Variants in PDZRN3 observed in about 807,000 individuals in gnomAD.
PDZRN3 encodes the protein E3 ubiquitin-protein ligase PDZRN3.
Under a neutral mutation model 85.7 loss-of-function variants are expected in PDZRN3, and 38 were observed. The observed-to-expected ratio is 0.44, with a 90% CI of 0.34 to 0.58. PDZRN3 has a LOEUF of 0.58. Ranked by LOEUF, PDZRN3 falls within the 20% of genes least tolerant of loss-of-function variation. The pLI is 0.01. For synonymous variants in PDZRN3, 759 were observed against 638.0 expected, an observed-to-expected ratio of 1.19 and a Z score of -2.86; for missense variants, 1,629 against 1,506.4, an observed-to-expected ratio of 1.08 and a Z score of -1.35.
chr3:73,493,988 G>C (rs1375750896), intron 3 of PDZRN3, among the ~76,000 whole-genome samples: 2 of 152,194 alleles, frequency 1.3e-5, no homozygotes, highest in African/African-American at 4.8e-5. Context: ...AATCAACGTT[G>C]GATGACCAGA....
chr3:73,467,001 T>C (rs887906278), intron 3 of PDZRN3, among the ~76,000 whole-genome samples: 2 of 152,182 alleles, frequency 1.3e-5, no homozygotes, highest in African/African-American at 4.8e-5. Context: ...CAGGAATTTA[T>C]CCTGGATCTG....
In PDZRN3 at chr3:73,624,828, TGGCGGCCAGGCCCCGGGGTCGCCGCCG is replaced by T. The variant is rs1702945163; in HGVS notation, c.-30_-4del. On this transcript the variant is annotated 5_prime_UTR_variant, in exon 1 of 10. Transcript: ENST00000263666. ...AAGCGGTCCAGCTCGAAGCCCATGG[TGGCGGCCAGGCCCCGGGGTCGCCGCCG>T]GGCGGCCGGGCGCCCCCTCCCTCCC... 1 of 1,312,282 alleles carries T rather than the reference TGGCGGCCAGGCCCCGGGGTCGCCGCCG, an allele frequency of 7.6e-7. No individual in the cohort carries two copies. Among genetic ancestry groups the T allele is most frequent in the Non-Finnish European group, 9.7e-7 (1 of 1,033,518 alleles). The allele number at this position is 1,312,282 out of a possible 1,614,324, so 81.3% of individuals were successfully genotyped here.
chr3:73,477,646 T>A (rs1486262871), intron 3 of PDZRN3, among the ~76,000 whole-genome samples: 1 of 152,224 alleles, frequency 6.6e-6, no homozygotes, highest in African/African-American at 2.4e-5. Flanking sequence ...AAGGATTTAT[T>A]GAATGTCAAT....
intron 5 of PDZRN3, among the ~76,000 whole-genome samples, chr3:73,393,542 T>C (rs1414999782): frequency 6.6e-6 from 1 of 151,992 alleles, no homozygotes; most frequent in Non-Finnish European, 1.5e-5. Context: ...GCAGATGGGG[T>C]GAGTTACACA....
At chr3:73,523,483 G>T (rs1390545120) in intron 3 of PDZRN3, among the ~76,000 whole-genome samples, 3 of 151,802 alleles carry the variant, frequency 2.0e-5, no homozygotes, top group African/African-American at 7.3e-5. Flanking sequence ...ATTAATATAT[G>T]TACATACATA....
chr3:73,459,247 C>T (rs1210655424), intron 3 of PDZRN3, among the ~76,000 whole-genome samples: 3 of 152,140 alleles, frequency 2.0e-5, no homozygotes, highest in African/African-American at 7.2e-5. Context: ...CAGCTCCCAC[C>T]AGGTCCCTCC....
chr3:73,461,995 A>C (rs1446991137), intron 3 of PDZRN3, among the ~76,000 whole-genome samples: 1 of 152,240 alleles, frequency 6.6e-6, no homozygotes, highest in African/African-American at 2.4e-5. Context: ...TATTTGCTCA[A>C]TATTCATTAA....
rs1189732803 is a variant in PDZRN3 at position 73,384,285 on chromosome 3, C to A, written c.2281G>T (p.Gly761Cys). ...DKDSSSAYNT[G>C]ESCRSTPLTL... is the part of the protein sequence containing the mutation. ...AGCGGGGTGCTGCGGCAGCTCTCGCCTGTGTTGTAGGCGCTCGAGCTGTCC... is the reference window on the plus strand; with the variant it reads ...AGCGGGGTGCTGCGGCAGCTCTCGCATGTGTTGTAGGCGCTCGAGCTGTCC... The change falls in exon 10 of 10, where the codon GGC (glycine) becomes TGC (cysteine). Residue 761 changes from glycine (G) to cysteine (C), a missense_variant. By Grantham distance (159) the Gly-to-Cys change is radical. Coordinates refer to ENST00000263666, the MANE Select transcript of PDZRN3 (RefSeq NM_015009.3). 1.9e-6 allele frequency: 3 copies of A among 1,613,074 alleles called. No homozygotes were observed. The highest frequency in any genetic ancestry group is 2.5e-6 in the Non-Finnish European group (3 of 1,179,966).
chr3:73,405,564 T>C (rs184730062), intron 3 of PDZRN3, among the ~76,000 whole-genome samples: 3 of 152,342 alleles, frequency 2.0e-5, no homozygotes, highest in East Asian at 3.9e-4. Flanking sequence ...TCATATTCCA[T>C]AGGACACATG....
At chr3:73,594,651 AT>A (rs1702407636) in intron 3 of PDZRN3, among the ~76,000 whole-genome samples, 1 of 152,162 alleles carries the variant, frequency 6.6e-6, no homozygotes, top group Non-Finnish European at 1.5e-5. Context: ...GGTTCTTTCC[AT>A]TTCAACATGT....
At chr3:73,487,563 G>A (rs578039972) in intron 3 of PDZRN3, among the ~76,000 whole-genome samples, 1 of 152,292 alleles carries the variant, frequency 6.6e-6, no homozygotes, top group Non-Finnish European at 1.5e-5. Context: ...GACTGTCCAG[G>A]CCGTTTCGAA....
At chr3:73,542,056 T>G (rs1414874747) in intron 3 of PDZRN3, among the ~76,000 whole-genome samples, 1 of 152,146 alleles carries the variant, frequency 6.6e-6, no homozygotes, top group Non-Finnish European at 1.5e-5. Context: ...AAAGAGAAGA[T>G]AAGAATAACC....
At position 73,455,881 on chromosome 3, in the gene PDZRN3, G is replaced by C. The variant is rs952109655; in HGVS notation, c.919-51486C>G. Among the ~76,000 whole-genome samples the C allele has an allele frequency of 2.6e-5, 4 of 152,158 alleles. 1 individual carries two copies. Among genetic ancestry groups the C allele is most frequent in the Non-Finnish European group, 5.9e-5 (4 of 68,040 alleles). On this transcript the variant is annotated intron_variant, in intron 3 of 9. Transcript: ENST00000263666. ...GTTTGAGCAGAACATGCTGATTTGG[G>C]TAATTCCATGTCCATGCACAAAAAT...
intron 3 of PDZRN3, among the ~76,000 whole-genome samples, chr3:73,430,537 A>G (rs1702411026): frequency 1.3e-5 from 2 of 152,180 alleles, no homozygotes; most frequent in South Asian, 4.1e-4. Context: ...CCTGGCCTCC[A>G]TTGGAAGACC....
Position 73,587,238 on chromosome 3 carries a change from C to T in PDZRN3, c.918+15116G>A, listed in dbSNP as rs150105060. On this transcript the variant is annotated intron_variant, in intron 3 of 9. Transcript: ENST00000263666. ...GTAAAATACCAATACCAGACTACAC[C>T]GTATGCAGTAAGGGTAAATATCTCG... Among the ~76,000 whole-genome samples, 695 of 152,270 alleles carry T rather than the reference C, an allele frequency of 4.6e-3. 4 individuals are homozygous for T. The highest frequency in any genetic ancestry group is 0.014 in the African/African-American group (601 of 41,544).
At chr3:73,494,772 G>T (rs561415193) in intron 3 of PDZRN3, among the ~76,000 whole-genome samples, 19 of 152,132 alleles carry the variant, frequency 1.2e-4, no homozygotes, top group Non-Finnish European at 2.5e-4. Flanking sequence ...AGTATCAAAA[G>T]ATAATATCTA....
intron 3 of PDZRN3, among the ~76,000 whole-genome samples, chr3:73,434,641 T>C (rs543480929): frequency 1.3e-3 from 198 of 152,290 alleles, no homozygotes; most frequent in Middle Eastern, 3.4e-3. Flanking sequence ...TGCCATCCCC[T>C]CAGCCATATA....
chr3:73,524,377 T>C (rs574909344), intron 3 of PDZRN3, among the ~76,000 whole-genome samples: 2 of 152,338 alleles, frequency 1.3e-5, no homozygotes, highest in South Asian at 4.1e-4. Flanking sequence ...TACCACCAGC[T>C]ATCAAGGCAA....
rs1370844845 is a variant in PDZRN3 at position 73,550,768 on chromosome 3, G to GT, written c.918+51585dup. ...AGAAATAGAAGTGCCAATGATCAGGGTAAGGAAAGGATGAATAAACTGAAA... is the reference window on the plus strand; with the variant it reads ...AGAAATAGAAGTGCCAATGATCAGGGTTAAGGAAAGGATGAATAAACTGAAA... On this transcript the variant is annotated intron_variant, in intron 3 of 9. Transcript: ENST00000263666. Among the ~76,000 whole-genome samples, 10 of 152,296 alleles carry GT rather than the reference G, an allele frequency of 6.6e-5. No homozygotes were observed. In the South Asian group the frequency reaches 1.9e-3, roughly 28 times the overall value.
Sources: gnomAD v4.1 joint callset for allele counts (sites outside exome capture counted in the v4.1 genomes callset) on GRCh38, gnomAD v4.1.1 for gene constraint, MANE v1.5 for transcripts, NCBI Gene and HGNC (gene_info 2026-07-23, HGNC 2026-07-21) for gene names.